MAGI1: variants seen among roughly 807,000 people sequenced by gnomAD.
MAGI1 encodes the protein membrane-associated guanylate kinase, WW and PDZ domain-containing protein 1.
In MAGI1, 58 loss-of-function variants were observed where a neutral mutation model predicts 139.9. The observed-to-expected ratio is 0.41, with a 90% CI of 0.34 to 0.52. The LOEUF (loss-of-function observed/expected upper bound fraction) is 0.52. MAGI1 is among the 20% of genes least tolerant of loss of function. The pLI is 0.12. For synonymous variants in MAGI1, 812 were observed against 737.9 expected, an observed-to-expected ratio of 1.10 and a Z score of -1.63; for missense variants, 1,874 against 1,901.6, an observed-to-expected ratio of 0.99 and a Z score of 0.27.
intron 1 of MAGI1, among the ~76,000 whole-genome samples, chr3:65,788,929 G>T (rs1207872403): frequency 6.6e-6 from 1 of 152,090 alleles, no homozygotes; most frequent in Non-Finnish European, 1.5e-5. Context: ...TATAATCCCA[G>T]TGTTTTGGGA....
chr3:65,909,266 TG>T, intron 1 of MAGI1, among the ~76,000 whole-genome samples: 1 of 152,172 alleles, frequency 6.6e-6, no homozygotes, highest in East Asian at 1.9e-4. Flanking sequence ...GGCTCATGCC[TG>T]TAATCTCAAC....
intron 1 of MAGI1, among the ~76,000 whole-genome samples, chr3:65,993,996 G>C (rs1323402749): frequency 6.6e-6 from 1 of 152,038 alleles, no homozygotes; most frequent in Admixed American, 6.6e-5. Flanking sequence ...ATGGTAGGCC[G>C]GATGCAGTGA....
intron 1 of MAGI1, among the ~76,000 whole-genome samples, chr3:65,751,887 C>T (rs1293716470): frequency 6.6e-6 from 1 of 152,120 alleles, no homozygotes; most frequent in Non-Finnish European, 1.5e-5. Flanking sequence ...AACAGAATTT[C>T]TTATGGAAGA....
At chr3:65,683,017 C>A (rs542366932) in intron 1 of MAGI1, among the ~76,000 whole-genome samples, 1 of 152,120 alleles carries the variant, frequency 6.6e-6, no homozygotes, top group Non-Finnish European at 1.5e-5. Context: ...CCCCCACATG[C>A]ACAGTTCACA....
chr3:65,389,213 A>C (rs1366013709), intron 14 of MAGI1, among the ~76,000 whole-genome samples: 2 of 152,126 alleles, frequency 1.3e-5, no homozygotes, highest in East Asian at 3.9e-4. Flanking sequence ...GCCACATTAC[A>C]TATTTTCCTA....
chr3:65,511,156 G>A (rs1344926845), intron 2 of MAGI1, among the ~76,000 whole-genome samples: 1,508 of 148,004 alleles, frequency 0.01, 15 homozygotes, highest in African/African-American at 0.028. Flanking sequence ...TGAAGGAAGC[G>A]CTAAACATGG....
chr3:65,812,136 A>G (rs779612195), intron 1 of MAGI1, among the ~76,000 whole-genome samples: 3 of 152,074 alleles, frequency 2.0e-5, no homozygotes, highest in Non-Finnish European at 4.4e-5. Context: ...CTCTCAGGAA[A>G]TGCTTTTTCC....
chr3:65,505,595 C>T (rs1035925157), intron 2 of MAGI1, among the ~76,000 whole-genome samples: 1 of 151,004 alleles, frequency 6.6e-6, no homozygotes, highest in Non-Finnish European at 1.5e-5. Context: ...AGCAGTGAGC[C>T]ATGATCGTGC....
At chr3:65,433,485 G>T (rs62252638) in intron 10 of MAGI1, among the ~76,000 whole-genome samples, 23,075 of 152,032 alleles carry the variant, frequency 0.15, 2,113 homozygotes, top group Middle Eastern at 0.21. Flanking sequence ...TATTTTTTAC[G>T]TATGGGTGGA....
At chr3:65,526,210 A>C (rs977778240) in intron 2 of MAGI1, among the ~76,000 whole-genome samples, 7 of 151,988 alleles carry the variant, frequency 4.6e-5, no homozygotes, top group African/African-American at 1.7e-4. Flanking sequence ...GCCCTCCTTG[A>C]TGTTCAGTTC....
At chr3:65,678,372 T>C (rs1467287602) in intron 1 of MAGI1, among the ~76,000 whole-genome samples, 1 of 150,948 alleles carries the variant, frequency 6.6e-6, no homozygotes, top group Non-Finnish European at 1.5e-5. Context: ...AAAAAAAAAT[T>C]AGCTGCTTAT....
At chr3:65,594,845 T>C (rs113490142) in intron 2 of MAGI1, among the ~76,000 whole-genome samples, 3 of 152,356 alleles carry the variant, frequency 2.0e-5, no homozygotes, top group African/African-American at 7.2e-5. Flanking sequence ...CTATATTTAC[T>C]TTCAGCTTTA....
At chr3:65,659,547 C>T (rs574098594) in intron 1 of MAGI1, among the ~76,000 whole-genome samples, 1 of 152,268 alleles carries the variant, frequency 6.6e-6, no homozygotes, top group African/African-American at 2.4e-5. Context: ...AGAGAAATCT[C>T]CACCTTTTTC....
At chr3:65,850,560 T>C (rs894500998) in intron 1 of MAGI1, among the ~76,000 whole-genome samples, 2 of 152,168 alleles carry the variant, frequency 1.3e-5, no homozygotes, top group Non-Finnish European at 1.5e-5. Flanking sequence ...CAAAGATATA[T>C]AATAGAATAC....
At position 65,505,881 on chromosome 3, in the gene MAGI1, A is replaced by T. The variant is rs910376506; in HGVS notation, c.431-12250T>A. On this transcript the variant is annotated intron_variant, in intron 2 of 22. Transcript: ENST00000402939. ...GCAGAGATGTAAAGATGGGCAAAAC[A>T]TGATCACTGTTCTCATGAATATTAT... is the stretch of plus-strand genomic sequence containing the variant. Among the ~76,000 whole-genome samples, 31 of 152,226 alleles carry T rather than the reference A, an allele frequency of 2.0e-4. 1 individual carries two copies. Among genetic ancestry groups the T allele is most frequent in the South Asian group, 6.2e-4 (3 of 4,830 alleles).
intron 1 of MAGI1, among the ~76,000 whole-genome samples, chr3:65,967,555 A>G (rs2064816382): frequency 6.6e-6 from 1 of 152,264 alleles, no homozygotes; most frequent in Non-Finnish European, 1.5e-5. Flanking sequence ...AGAGAGAAGC[A>G]GATGGGCTGT....
At chr3:65,435,069 T>C (rs56403511) in intron 10 of MAGI1, among the ~76,000 whole-genome samples, 2,711 of 152,270 alleles carry the variant, frequency 0.018, 74 homozygotes, top group African/African-American at 0.062. Flanking sequence ...TGGACCCTCA[T>C]TGGACACTCG....
chr3:65,600,245 G>T (rs1426405588), intron 2 of MAGI1, among the ~76,000 whole-genome samples: 1 of 152,084 alleles, frequency 6.6e-6, no homozygotes, highest in Non-Finnish European at 1.5e-5. Flanking sequence ...AATACAAAAG[G>T]CATTCTTTTT....
At chr3:65,543,116 A>G (rs1436903330) in intron 2 of MAGI1, among the ~76,000 whole-genome samples, 1 of 152,240 alleles carries the variant, frequency 6.6e-6, no homozygotes, top group East Asian at 1.9e-4. Flanking sequence ...ACACTTCTCA[A>G]AAGAAGACAT....
Sources: allele counts gnomAD v4.1 joint callset (sites outside exome capture counted in the v4.1 genomes callset), GRCh38; gene constraint gnomAD v4.1.1; transcripts MANE v1.5; gene names NCBI Gene and HGNC (gene_info 2026-07-23, HGNC 2026-07-21).